Variants in TEF observed in about 807,000 individuals in gnomAD.
The protein encoded by TEF is TEF transcription factor, PAR bZIP family member, also known as thyrotroph embryonic factor.
Under a neutral mutation model 20.8 loss-of-function variants are expected in TEF, and 3 were observed. The ratio of observed to expected loss-of-function variants is 0.14; its 90% confidence interval spans 0.07 to 0.37. The LOEUF (loss-of-function observed/expected upper bound fraction) is 0.37, where lower values mean the gene tolerates loss of function less well. TEF is among the 10% of genes least tolerant of loss of function. The pLI is 1.00. For synonymous variants in TEF, 180 were observed against 171.1 expected, an observed-to-expected ratio of 1.05 and a Z score of -0.41; for missense variants, 296 against 397.9, an observed-to-expected ratio of 0.74 and a Z score of 2.18.
In TEF at chr22:41,387,410, G is replaced by A; in HGVS notation, c.217G>A (p.Ala73Thr). The change falls in exon 2 of 4, where the codon GCT becomes ACT. Residue 73 changes from alanine (A) to threonine (T), a missense_variant. By Grantham distance (58) the Ala-to-Thr change is moderately conservative. This residue lies in a region of TEF where 194 missense variants were observed against 317.8 expected (regional missense o/e 0.61). Transcript: ENST00000266304. ...CGAGGCCGCAGCCGCCAGCACCATG[G>A]CTGTCTCAGCCTCCCTCATGCCACC... ...EDEAAAASTM[A>T]VSASLMPPIW... The A allele has an allele frequency of 6.2e-7, 1 of 1,614,224 alleles. No homozygotes were observed. Among genetic ancestry groups the A allele is most frequent in the Non-Finnish European group, 8.5e-7 (1 of 1,180,036 alleles).
upstream of TEF, among the ~76,000 whole-genome samples, chr22:41,377,571 T>C (rs560796400): frequency 1.3e-4 from 20 of 152,286 alleles, no homozygotes; most frequent in South Asian, 6.2e-4. Flanking sequence ...ACTTTAGTGA[T>C]AGGAGACAGA....
At chr22:41,371,071 C>A (rs541360651) in intron 1 of TEF, among the ~76,000 whole-genome samples, 34 of 152,378 alleles carry the variant, frequency 2.2e-4, no homozygotes, top group African/African-American at 7.9e-4. Context: ...CCCAACCTGT[C>A]TCCCAAGGAT....
In TEF at chr22:41,396,861, C is replaced by A. The variant is rs2037235433; in HGVS notation, c.*901C>A. 2 of 398,394 alleles carry A rather than the reference C, an allele frequency of 5.0e-6. No homozygotes were observed. Among genetic ancestry groups the A allele is most frequent in the Non-Finnish European group, 8.8e-6 (2 of 226,026 alleles). The allele number at this position is 398,394 out of a possible 1,614,324, so 24.7% of individuals were successfully genotyped here. A position where few individuals can be genotyped will look rare whatever the true frequency, so the allele number is the denominator to read the frequency against. Reference sequence around the variant, plus strand: ...GATTTAAAAGGAAAACCCCTCTTATCTAGGAGGCTTTAACTTCCTGGACCC... The same window carrying A: ...GATTTAAAAGGAAAACCCCTCTTATATAGGAGGCTTTAACTTCCTGGACCC... On this transcript the variant is annotated 3_prime_UTR_variant, in exon 4 of 4. Coordinates refer to ENST00000266304, the MANE Select transcript of TEF (RefSeq NM_003216.4).
At chr22:41,383,270 G>A (rs2037058027) in intron 1 of TEF, among the ~76,000 whole-genome samples, 1 of 152,122 alleles carries the variant, frequency 6.6e-6, no homozygotes, top group Non-Finnish European at 1.5e-5. Context: ...AATAGCTTCA[G>A]CACATCAGGT....
At chr22:41,382,955 C>T (rs771653050) in intron 1 of TEF, 6 of 471,056 alleles carry the variant, frequency 1.3e-5, no homozygotes, top group South Asian at 7.7e-5. Flanking sequence ...TTTGCCTAGG[C>T]CAGGAACGTC....
chr22:41,379,513 CAAA>C (rs895105085), upstream of TEF, among the ~76,000 whole-genome samples: 6 of 141,854 alleles, frequency 4.2e-5, no homozygotes, highest in South Asian at 2.3e-4. Flanking sequence ...GTCTCAAAAA[CAAA>C]AAACAAAAAA....
At chr22:41,387,025 C>T (rs543686300) in intron 1 of TEF, among the ~76,000 whole-genome samples, 8 of 152,124 alleles carry the variant, frequency 5.3e-5, no homozygotes, top group East Asian at 1.9e-4. Flanking sequence ...GCCTGGGCGA[C>T]GAGCAAAATA....
At chr22:41,381,855 C>A, upstream of TEF, 2 of 1,214,478 alleles carry the variant, frequency 1.6e-6, no homozygotes, top group South Asian at 4.3e-5. Context: ...GGGAAGCTGG[C>A]CTGGCCTCAT....
chr22:41,379,904 AAAAG>A (rs1361069878), upstream of TEF, among the ~76,000 whole-genome samples: 8 of 93,350 alleles, frequency 8.6e-5, no homozygotes, highest in African/African-American at 2.4e-4. Context: ...AAAAAAAAAA[AAAAG>A]AAAAAAAGAA....
intron 1 of TEF, among the ~76,000 whole-genome samples, 158 bp downstream of exon 1, chr22:41,382,359 GGGGCTGAGGACAGAGGGTCAGGGGC>G (rs1370530193): frequency 2.6e-5 from 4 of 152,050 alleles, no homozygotes; most frequent in Admixed American, 2.6e-4. Context: ...ACGAGGCCGG[GGGGCTGAGGACAGAGGGTCAGGGGC>G]GGGCTGAGAC....
chr22:41,373,522 T>G (rs558931353), intron 1 of TEF, among the ~76,000 whole-genome samples: 1 of 151,964 alleles, frequency 6.6e-6, no homozygotes, highest in Non-Finnish European at 1.5e-5. Context: ...CAGGCTGGAG[T>G]GTGGTGGCGT....
rs1208301522 is a variant in TEF at position 41,396,957 on chromosome 22, G to A, written c.*997G>A. 2 of 398,620 alleles carry A rather than the reference G, an allele frequency of 5.0e-6. No homozygotes were observed. The highest frequency in any genetic ancestry group is 8.8e-6 in the Non-Finnish European group (2 of 226,194). 24.7% of individuals were successfully genotyped at this position (398,620 alleles called of 1,614,324 possible). A position where few individuals can be genotyped will look rare whatever the true frequency, so the allele number is the denominator to read the frequency against. ...CCCTTCCACCATGGGCATGAGAGCT[G>A]GGGTGTGTTTCTTGAGAAGCTCCCT... On this transcript the variant is annotated 3_prime_UTR_variant, in exon 4 of 4. Transcript: ENST00000266304.
Position 41,382,005 on chromosome 22 carries a change from G to A in TEF, c.-40G>A, listed in dbSNP as rs1411704593. 4 of 1,229,776 alleles carry A rather than the reference G, an allele frequency of 3.3e-6. No individual in the cohort carries two copies. Among genetic ancestry groups the A allele is most frequent in the African/African-American group, 1.6e-5 (1 of 64,274 alleles). 76.2% of individuals were successfully genotyped at this position (1,229,776 alleles called of 1,614,324 possible). A position where few individuals can be genotyped will look rare whatever the true frequency, so the allele number is the denominator to read the frequency against. On this transcript the variant is annotated 5_prime_UTR_variant, in exon 1 of 4. Coordinates refer to ENST00000266304, the MANE Select transcript of TEF (RefSeq NM_003216.4). ...CGGCTCCGGCCCATCTCGGGGGGCG[G>A]GCGGGGGAGGCGAGGTGCGCGAGCC...
chr22:41,377,774 G>GA (rs1489321313), upstream of TEF, among the ~76,000 whole-genome samples: 6 of 152,260 alleles, frequency 3.9e-5, no homozygotes, highest in Admixed American at 3.9e-4. Flanking sequence ...TTATCCAGGG[G>GA]AAAAAACTCT....
chr22:41,379,051 G>C (rs62238185), upstream of TEF, among the ~76,000 whole-genome samples: 2 of 152,172 alleles, frequency 1.3e-5, no homozygotes, highest in African/African-American at 2.4e-5. Flanking sequence ...CAGAAACCCC[G>C]TAAGGTAGGC....
chr22:41,387,191 G>T, intron 1 of TEF, 160 bp from the exon 2 acceptor site: 1 of 800,510 alleles, frequency 1.2e-6, no homozygotes, highest in Non-Finnish European at 1.9e-6. Flanking sequence ...CCTGGTTCAA[G>T]TGCGAGATTC....
rs1185496786 is a variant in TEF, at chr22:41,395,799, C to T, written c.751C>T (p.Arg251Trp). The T allele has an allele frequency of 1.2e-6, 2 of 1,614,138 alleles. No homozygotes were observed. The highest frequency in any genetic ancestry group is 1.7e-6 in the Non-Finnish European group (2 of 1,180,022). Residue 251 changes from arginine to tryptophan, a missense_variant, in exon 4 of 4, where the codon CGG becomes TGG. By Grantham distance (101) the Arg-to-Trp change is moderately radical. Around this residue, in one of 2 missense-constraint regions of TEF, gnomAD observed 194 missense variants for 317.8 expected, o/e 0.61. Transcript: ENST00000266304. Reference protein sequence around the residue: ...KKNNVAAKRSRDARRLKENQI... With the variant: ...KKNNVAAKRSWDARRLKENQI... The stretch of plus-strand genomic sequence containing the variant: ...GAACAACGTGGCAGCTAAACGGTCA[C>T]GGGATGCCCGGCGCCTGAAAGAGAA...
intron 2 of TEF, among the ~76,000 whole-genome samples, chr22:41,390,222 C>T (rs939555862): frequency 2.0e-5 from 3 of 152,024 alleles, no homozygotes; most frequent in East Asian, 1.9e-4. Flanking sequence ...TATATATATG[C>T]GTTTCTTTTG....
At position 41,388,591 on chromosome 22, in the gene TEF, AAAAG is replaced by A. The variant is rs200588938; in HGVS notation, c.475+928_475+931del. On this transcript the variant is annotated intron_variant, in intron 2 of 3. Transcript: ENST00000266304. ...GAGACGCCATCTCAAAAAAAAAAAA[AAAAG>A]AAAGCATTCCCACCACCTGGCCAGG... Among the ~76,000 whole-genome samples the A allele has an allele frequency of 7.7e-3, 1,171 of 151,998 alleles. 25 individuals carry two copies. Among genetic ancestry groups the A allele is most frequent in the Admixed American group, 0.048 (735 of 15,198 alleles).
Sources: gnomAD v4.1 joint callset for allele counts (sites outside exome capture counted in the v4.1 genomes callset) on GRCh38, gnomAD v4.1.1 for gene constraint, gnomAD v4.1.1 regional missense constraint, MANE v1.5 for transcripts, NCBI Gene and HGNC (gene_info 2026-07-23, HGNC 2026-07-21) for gene names.